Variants in UBR1 observed in about 807,000 individuals in gnomAD.
UBR1 encodes the protein E3 ubiquitin-protein ligase UBR1.
A neutral mutation model predicts 242.1 loss-of-function variants in UBR1; 102 were observed. That is an observed-to-expected ratio of 0.42 (90% CI 0.36 to 0.50). The LOEUF (loss-of-function observed/expected upper bound fraction) is 0.50, where lower values mean the gene tolerates loss of function less well. Ranked by LOEUF, UBR1 falls within the 20% of genes least tolerant of loss-of-function variation. The probability of loss-of-function intolerance (pLI) is 0.01; values close to 1 mark genes in which losing one functional copy is unlikely to be tolerated. For missense variants in UBR1, 1,772 were observed against 2,101.8 expected (o/e 0.84, Z 3.07); for synonymous variants, 675 against 684.8 (o/e 0.99, Z 0.22).
chr15:43,062,745 C>T (rs1242167578), intron 6 of UBR1, among the ~76,000 whole-genome samples: 2 of 152,026 alleles, frequency 1.3e-5, no homozygotes, highest in Admixed American at 6.5e-5. Flanking sequence ...AGGAATCCAA[C>T]AAAAATAACC....
chr15:43,098,421 C>T (rs2034186703), intron 1 of UBR1, among the ~76,000 whole-genome samples: 2 of 152,258 alleles, frequency 1.3e-5, no homozygotes, highest in South Asian at 4.1e-4. Context: ...TTCCTTGAGA[C>T]AGGGTTGCCA....
At chr15:43,016,187 T>A (rs2033021229) in intron 28 of UBR1, among the ~76,000 whole-genome samples, 1 of 152,234 alleles carries the variant, frequency 6.6e-6, no homozygotes, top group African/African-American at 2.4e-5. Flanking sequence ...GTCAATCACT[T>A]AATCACTGAC....
intron 31 of UBR1, chr15:43,003,536 G>A: frequency 2.6e-6 from 1 of 381,358 alleles, no homozygotes. Context: ...GATTACAGGT[G>A]TGAGCCACCA....
chr15:42,962,857 C>T (rs930752423), intron 42 of UBR1, among the ~76,000 whole-genome samples: 2 of 152,096 alleles, frequency 1.3e-5, no homozygotes, highest in Non-Finnish European at 2.9e-5. Context: ...ACTGGCTGAA[C>T]CCATGCAGAA....
At chr15:43,006,091 T>TAAAAAAAAAA (rs1257692507) in intron 30 of UBR1, among the ~76,000 whole-genome samples, 9 of 71,618 alleles carry the variant, frequency 1.3e-4, no homozygotes, top group African/African-American at 3.0e-4. Flanking sequence ...CAATAAATAC[T>TAAAAAAAAAA]AAAAAAAAAA....
intron 3 of UBR1, among the ~76,000 whole-genome samples, chr15:43,079,367 A>G (rs912879919): frequency 6.6e-6 from 1 of 152,224 alleles, no homozygotes; most frequent in African/African-American, 2.4e-5. Flanking sequence ...ATAAACTAAG[A>G]AAACTTTCTG....
chr15:42,982,255 C>A lies in UBR1; in HGVS notation c.4150+1642G>T, dbSNP rs983325844. ...ACCATTTGGAAGAATTAGTAAATAT[C>A]TAAATTATGACTGAAATGAAAAAGA... On this transcript the variant is annotated intron_variant, in intron 37 of 46. Transcript: ENST00000290650. Among the ~76,000 whole-genome samples, 8 of 152,042 alleles carry A rather than the reference C, an allele frequency of 5.3e-5. No individual in the cohort carries two copies. In the East Asian group the frequency reaches 1.3e-3, roughly 26 times the overall value.
intron 3 of UBR1, among the ~76,000 whole-genome samples, chr15:43,081,190 G>A (rs1304285919): frequency 5.9e-5 from 9 of 151,974 alleles, no homozygotes; most frequent in African/African-American, 1.9e-4. Flanking sequence ...AGGCTGAGGC[G>A]GGTGGATCAC....
Position 43,037,874 on chromosome 15 carries a change from G to C in UBR1, c.1921C>G (p.Gln641Glu). The C allele has an allele frequency of 1.9e-6, 3 of 1,613,558 alleles. No individual in the cohort carries two copies. Among genetic ancestry groups the C allele is most frequent in the Non-Finnish European group, 2.5e-6 (3 of 1,179,704 alleles). ...GGATATTCCACTAGTACCTCTACTT[G>C]AAAGTCCTCCTGAAATAGAGTGAGT... ...LHEFVSFEDF[Q>E]VEVLVEYPLR... is the part of the protein sequence containing the mutation. The change falls in exon 17 of 47, where the codon CAA becomes GAA. Residue 641 changes from glutamine to glutamate, a missense_variant. Transcript: ENST00000290650.
intron 2 of UBR1, among the ~76,000 whole-genome samples, chr15:43,085,555 C>A (rs72721527): frequency 1.3e-5 from 2 of 148,512 alleles, no homozygotes; most frequent in African/African-American, 5.0e-5. Flanking sequence ...TAAACCAAGA[C>A]AAGTACATCG....
rs2032299929 is a variant in UBR1 at position 42,976,939 on chromosome 15, G to A, written c.4219-72C>T. ...ACATAAATTAATGTCATAACTAAATGTGAAGGGCAGCAGATGCTACACAGT... is the reference window on the plus strand; with the variant it reads ...ACATAAATTAATGTCATAACTAAATATGAAGGGCAGCAGATGCTACACAGT... On this transcript the variant is annotated intron_variant, in intron 38 of 46. Transcript: ENST00000290650. 2.0e-5 allele frequency: 31 copies of A among 1,517,240 alleles called. No individual in the cohort carries two copies. The South Asian group carries it at 3.6e-4, about 18-fold the overall frequency. The allele number at this position is 1,517,240 out of a possible 1,614,324, so 94.0% of individuals were successfully genotyped here. A position where few individuals can be genotyped will look rare whatever the true frequency, so the allele number is the denominator to read the frequency against.
chr15:43,081,253 T>C (rs890929521), intron 3 of UBR1, among the ~76,000 whole-genome samples: 3 of 151,490 alleles, frequency 2.0e-5, no homozygotes, highest in Non-Finnish European at 2.9e-5. Context: ...CCCATGTGTA[T>C]TAAAAATACA....
intron 29 of UBR1, among the ~76,000 whole-genome samples, chr15:43,009,949 C>T (rs368071863): frequency 6.6e-6 from 1 of 152,212 alleles, no homozygotes; most frequent in East Asian, 1.9e-4. Flanking sequence ...CGGCTCACTG[C>T]AATCTCTGCC....
At chr15:43,050,312 G>C (rs1164671347) in intron 12 of UBR1, among the ~76,000 whole-genome samples, 1 of 152,124 alleles carries the variant, frequency 6.6e-6, no homozygotes, top group African/African-American at 2.4e-5. Context: ...AGAGTGAAGA[G>C]ACAACCAACA....
chr15:43,081,042 T>C (rs967332019), intron 3 of UBR1, among the ~76,000 whole-genome samples: 1 of 152,242 alleles, frequency 6.6e-6, no homozygotes. Flanking sequence ...TGTTGGATCA[T>C]ATGATAAAAG....
At chr15:43,036,723 T>C (rs1210062558) in intron 17 of UBR1, 130 bp from the exon 18 acceptor site, 1 of 639,780 alleles carries the variant, frequency 1.6e-6, no homozygotes, top group East Asian at 2.7e-5. Flanking sequence ...AAAAATAAGT[T>C]GTAAATCTAT....
chr15:42,983,897 C>G lies in UBR1; in HGVS notation c.4150G>C (p.Val1384Leu). 6.2e-7 allele frequency: 1 copy of G among 1,606,932 alleles called. No individual in the cohort carries two copies. The highest frequency in any genetic ancestry group is 8.5e-7 in the Non-Finnish European group (1 of 1,174,420). ...AATAATAGTTCAGAGAAGACTCTACCTGATAGAAGACGAACCAGATGTTTC... is the reference window on the plus strand; with the variant it reads ...AATAATAGTTCAGAGAAGACTCTACGTGATAGAAGACGAACCAGATGTTTC... ...IQKHLVRLLS[V>L]VLPNIKSEDT... The change falls in exon 37 of 47, where the codon GTT becomes CTT. Residue 1384 changes from valine to leucine, a missense_variant and splice_region_variant. Physicochemically the swap from Val to Leu is conservative, Grantham distance 32. Coordinates refer to ENST00000290650, the MANE Select transcript of UBR1 (RefSeq NM_174916.3).
rs1192175847 is a variant in UBR1 at position 42,943,582 on chromosome 15, G to T, written c.*1747C>A. 5 of 152,160 alleles carry T rather than the reference G, an allele frequency of 3.3e-5. No homozygotes were observed. The highest frequency in any genetic ancestry group is 7.3e-5 in the African/African-American group (3 of 41,366). The allele number at this position is 152,160 out of a possible 1,614,324, so 9.4% of individuals were successfully genotyped here. ...GAATTTATTAAGTTAATATAAAAAG[G>T]ACTAAAAATAAAGTCAGTTTATCTT... On this transcript the variant is annotated 3_prime_UTR_variant, in exon 47 of 47. Coordinates refer to ENST00000290650, the MANE Select transcript of UBR1 (RefSeq NM_174916.3).
chr15:42,988,745 A>C (rs555894515), intron 35 of UBR1, 74 bp downstream of exon 35: 1 of 1,592,908 alleles, frequency 6.3e-7, no homozygotes, highest in African/African-American at 1.3e-5. Context: ...ATCAGTGAAA[A>C]AAAGAATTTA....
Sources: allele counts gnomAD v4.1 joint callset (sites outside exome capture counted in the v4.1 genomes callset), GRCh38; gene constraint gnomAD v4.1.1; transcripts MANE v1.5; gene names NCBI Gene and HGNC (gene_info 2026-07-23, HGNC 2026-07-21).